The following MCC variants were observed in gnomAD, a reference collection of about 807,000 sequenced individuals.
MCC encodes the protein colorectal mutant cancer protein.
MCC carries 90 observed loss-of-function variants against 116.2 expected under a neutral mutation model. That is an observed-to-expected ratio of 0.77 (90% CI 0.65 to 0.92). The LOEUF (loss-of-function observed/expected upper bound fraction) is 0.92, where lower values mean the gene tolerates loss of function less well. Among genes scored for constraint, MCC ranks in the 40% least tolerant of loss-of-function variants. The pLI, the probability that MCC is intolerant of heterozygous loss-of-function variation, is 0.00. For missense variants in MCC, 1,516 were observed against 1,312.2 expected (o/e 1.16, Z -2.40); for synonymous variants, 578 against 510.5 (o/e 1.13, Z -1.78).
chr5:113,315,785 G>C (rs1767265237), intron 3 of MCC, among the ~76,000 whole-genome samples: 1 of 151,920 alleles, frequency 6.6e-6, no homozygotes, highest in African/African-American at 2.4e-5. Flanking sequence ...GCTGAGGTGG[G>C]AGGATCACCT....
chr5:113,267,463 G>C (rs1338860089), intron 3 of MCC, among the ~76,000 whole-genome samples: 1 of 152,030 alleles, frequency 6.6e-6, no homozygotes, highest in Non-Finnish European at 1.5e-5. Flanking sequence ...GGTAACTCTG[G>C]GAAGTAAAGA....
intron 1 of MCC, among the ~76,000 whole-genome samples, chr5:113,407,914 A>T (rs1769882205): frequency 6.6e-6 from 1 of 152,166 alleles, no homozygotes; most frequent in Admixed American, 6.6e-5. Context: ...AGGAATCTTG[A>T]AATGAAAACT....
intron 11 of MCC, among the ~76,000 whole-genome samples, chr5:113,080,212 A>G (rs937347294): frequency 3.3e-5 from 5 of 152,262 alleles, no homozygotes; most frequent in African/African-American, 4.8e-5. Flanking sequence ...GTGGGACTGT[A>G]AACTAGTTCA....
chr5:113,243,129 C>G (rs1764440517), intron 3 of MCC, among the ~76,000 whole-genome samples: 1 of 152,008 alleles, frequency 6.6e-6, no homozygotes, highest in Non-Finnish European at 1.5e-5. Context: ...CTTTTTAGCC[C>G]AGGTCTAAAA....
chr5:113,340,116 A>G (rs1035953302), intron 3 of MCC, among the ~76,000 whole-genome samples: 2 of 152,276 alleles, frequency 1.3e-5, no homozygotes, highest in African/African-American at 4.8e-5. Flanking sequence ...ACCAGAAACA[A>G]GAAACCTTCA....
intron 13 of MCC, among the ~76,000 whole-genome samples, chr5:113,066,753 T>A (rs1312085565): frequency 6.6e-6 from 1 of 152,070 alleles, no homozygotes; most frequent in Non-Finnish European, 1.5e-5. Context: ...GATGGTGACT[T>A]TCTTTGAAGG....
chr5:113,439,997 A>C (rs1461996089), intron 1 of MCC, among the ~76,000 whole-genome samples: 1 of 152,060 alleles, frequency 6.6e-6, no homozygotes, highest in Non-Finnish European at 1.5e-5. Flanking sequence ...TCCTGGCCTT[A>C]AGGGATCCTC....
At chr5:113,395,899 G>T (rs1402828417) in intron 1 of MCC, among the ~76,000 whole-genome samples, 1 of 152,148 alleles carries the variant, frequency 6.6e-6, no homozygotes. Flanking sequence ...GGGGGTGGGG[G>T]ACTGGGAAAT....
intron 3 of MCC, among the ~76,000 whole-genome samples, chr5:113,268,919 G>C (rs1765512741): frequency 6.6e-6 from 1 of 152,104 alleles, no homozygotes; most frequent in African/African-American, 2.4e-5. Flanking sequence ...CACACGACAG[G>C]AATATTAACG....
intron 3 of MCC, among the ~76,000 whole-genome samples, chr5:113,210,175 G>A (rs756064113): frequency 5.9e-4 from 89 of 152,088 alleles, no homozygotes; most frequent in Non-Finnish European, 5.3e-4. Flanking sequence ...TGGGAAGAGT[G>A]AAGCTTTAAA....
At chr5:113,319,224 G>T (rs1348263533) in intron 3 of MCC, among the ~76,000 whole-genome samples, 1 of 152,156 alleles carries the variant, frequency 6.6e-6, no homozygotes, top group Admixed American at 6.6e-5. Context: ...GAAGGCAACT[G>T]TAAAAGTAAA....
intron 16 of MCC, among the ~76,000 whole-genome samples, chr5:113,044,021 C>G (rs1037980802): frequency 1.3e-5 from 2 of 152,226 alleles, no homozygotes; most frequent in Non-Finnish European, 2.9e-5. Flanking sequence ...GCGGCCCAGT[C>G]ACCAGCTAGG....
Position 113,109,266 on chromosome 5 carries a change from G to A in MCC, c.1028-4911C>T, listed in dbSNP as rs79227185. 7.1e-3 allele frequency among the ~76,000 whole-genome samples: 1,085 copies of A among 152,312 alleles called. 38 individuals are homozygous for A. In the East Asian group the frequency reaches 0.082, roughly 11 times the overall value. On this transcript the variant is annotated intron_variant, in intron 6 of 18. Coordinates refer to ENST00000408903, the MANE Select transcript of MCC (RefSeq NM_001085377.2). ...GTAGCCAAAAGGTGGAAGTAGCCCA[G>A]GGGTATACTGACAGATGAAGGAACA...
chr5:113,135,550 C>T (rs957627088), intron 5 of MCC, among the ~76,000 whole-genome samples: 3 of 93,460 alleles, frequency 3.2e-5, no homozygotes, highest in Admixed American at 2.6e-4. Context: ...CAGAGTGAGA[C>T]TCTGTCTCAA....
At chr5:113,122,662 T>C (rs377425883) in intron 6 of MCC, 22 bp downstream of exon 6, 8 of 1,609,650 alleles carry the variant, frequency 5.0e-6, no homozygotes, top group Non-Finnish European at 6.8e-6. Flanking sequence ...TCTGGCTTGG[T>C]GGCAAGGGCA....
At chr5:113,454,270 A>T (rs1771480197) in intron 1 of MCC, among the ~76,000 whole-genome samples, 1 of 152,080 alleles carries the variant, frequency 6.6e-6, no homozygotes, top group South Asian at 2.1e-4. Flanking sequence ...ACATCTGGCT[A>T]ATTTTTATAT....
intron 1 of MCC, chr5:113,433,764 T>TG (rs747842861): frequency 1.5e-5 from 24 of 1,613,442 alleles, no homozygotes; most frequent in South Asian, 9.9e-5. Flanking sequence ...TGGAGGCTGT[T>TG]GGGGGGGCCC....
intron 1 of MCC, among the ~76,000 whole-genome samples, chr5:113,452,252 A>C (rs1204287541): frequency 6.6e-6 from 1 of 152,228 alleles, no homozygotes; most frequent in Non-Finnish European, 1.5e-5. Flanking sequence ...TCTACTTTCT[A>C]GACAAGGAAG....
At chr5:113,407,763 A>G (rs1269462292) in intron 1 of MCC, among the ~76,000 whole-genome samples, 1 of 152,062 alleles carries the variant, frequency 6.6e-6, no homozygotes, top group Non-Finnish European at 1.5e-5. Context: ...CCCCGCATAC[A>G]TTAGCTATTT....
Sources: gnomAD v4.1 joint callset for allele counts (sites outside exome capture counted in the v4.1 genomes callset) on GRCh38, gnomAD v4.1.1 for gene constraint, MANE v1.5 for transcripts, NCBI Gene and HGNC (gene_info 2026-07-23, HGNC 2026-07-21) for gene names.